The following RALGAPA2 variants were observed in gnomAD, a reference collection of about 807,000 sequenced individuals.
The protein encoded by RALGAPA2 is ral GTPase-activating protein subunit alpha-2.
RALGAPA2 carries 139 observed loss-of-function variants against 230.4 expected under a neutral mutation model. That is an observed-to-expected ratio of 0.60 (90% CI 0.53 to 0.69). RALGAPA2 has a LOEUF of 0.69. Among genes scored for constraint, RALGAPA2 ranks in the 30% least tolerant of loss-of-function variants. The pLI, the probability that RALGAPA2 is intolerant of heterozygous loss-of-function variation, is 0.00. For synonymous variants in RALGAPA2, 847 were observed against 837.8 expected, an observed-to-expected ratio of 1.01 and a Z score of -0.19; for missense variants, 2,163 against 2,276.0, an observed-to-expected ratio of 0.95 and a Z score of 1.01.
At chr20:20,511,104 G>A (rs182478071) in intron 33 of RALGAPA2, 150 bp downstream of exon 33, 7 of 1,293,008 alleles carry the variant, frequency 5.4e-6, no homozygotes, top group South Asian at 4.4e-5. Context: ...AAACACCAAC[G>A]GTATGGCATG....
At chr20:20,680,365 T>C (rs2068476082) in intron 2 of RALGAPA2, among the ~76,000 whole-genome samples, 6 of 152,274 alleles carry the variant, frequency 3.9e-5, no homozygotes, top group Admixed American at 3.3e-4. Flanking sequence ...TGAGTGTTCA[T>C]TTCAGACCCT....
At chr20:20,622,537 A>G (rs1013448637) in intron 10 of RALGAPA2, among the ~76,000 whole-genome samples, 1 of 152,238 alleles carries the variant, frequency 6.6e-6, no homozygotes. Flanking sequence ...AATGGAAGCC[A>G]AGAAACAATG....
chr20:20,508,070 C>T (rs778284374), intron 33 of RALGAPA2, among the ~76,000 whole-genome samples: 1 of 152,162 alleles, frequency 6.6e-6, no homozygotes, highest in Non-Finnish European at 1.5e-5. Context: ...AGTCCTTGAG[C>T]CCTCATTAAC....
chr20:20,546,753 C>T lies in RALGAPA2; in HGVS notation c.3236G>A (p.Gly1079Glu), dbSNP rs759686264. The change falls in exon 24 of 40, where the codon GGG (glycine) becomes GAG (glutamate). Residue 1079 changes from glycine to glutamate, a missense_variant. By Grantham distance (98) the Gly-to-Glu change is moderately conservative. Transcript: ENST00000202677. Reference sequence around the variant, plus strand: ...CCTGGCAGCGGCCGTGATGAAGTCCCCCACCAGCATTGAGAAGCCAGGAAA... The same window carrying T: ...CCTGGCAGCGGCCGTGATGAAGTCCTCCACCAGCATTGAGAAGCCAGGAAA... ...LGFPGFSMLV[G>E]DFITAAARVL... 1.2e-6 allele frequency: 2 copies of T among 1,612,080 alleles called. No homozygotes were observed. The highest frequency in any genetic ancestry group is 2.2e-5 in the South Asian group (2 of 90,828).
chr20:20,412,254 T>C, intron 37 of RALGAPA2, 106 bp from the exon 38 acceptor site: 2 of 1,429,156 alleles, frequency 1.4e-6, no homozygotes, highest in East Asian at 2.3e-5. Context: ...TGTAAAAAAG[T>C]ATCCTGCAGG....
intron 13 of RALGAPA2, among the ~76,000 whole-genome samples, chr20:20,614,256 C>CT (rs1408154025): frequency 6.6e-6 from 1 of 152,106 alleles, no homozygotes; most frequent in Non-Finnish European, 1.5e-5. Context: ...CTTTTCTATA[C>CT]TTTCACCTAG....
chr20:20,419,315 C>T (rs1433417229), intron 37 of RALGAPA2, among the ~76,000 whole-genome samples: 3 of 152,110 alleles, frequency 2.0e-5, no homozygotes, highest in Non-Finnish European at 4.4e-5. Context: ...AATGAAACAG[C>T]ACTAATCAAA....
At chr20:20,549,055 T>A (rs2063850536) in intron 23 of RALGAPA2, among the ~76,000 whole-genome samples, 1 of 152,194 alleles carries the variant, frequency 6.6e-6, no homozygotes, top group Non-Finnish European at 1.5e-5. Flanking sequence ...CCTTGAAGCT[T>A]GTGGGCTTTA....
intron 23 of RALGAPA2, among the ~76,000 whole-genome samples, chr20:20,555,604 G>C (rs2072016573): frequency 6.6e-6 from 1 of 152,150 alleles, no homozygotes; most frequent in Non-Finnish European, 1.5e-5. Context: ...AAGGTTTGCA[G>C]TTTTCAGTGC....
chr20:20,401,177 G>A (rs576576657), intron 38 of RALGAPA2, among the ~76,000 whole-genome samples: 3 of 152,344 alleles, frequency 2.0e-5, no homozygotes, highest in East Asian at 3.9e-4. Flanking sequence ...TGCACAGTAT[G>A]TGAATTAGAT....
In RALGAPA2 at chr20:20,637,459, C is replaced by T; in HGVS notation, c.709G>A (p.Gly237Ser). The T allele has an allele frequency of 1.9e-6, 3 of 1,571,674 alleles. No homozygotes were observed. Among genetic ancestry groups the T allele is most frequent in the Non-Finnish European group, 2.6e-6 (3 of 1,156,386 alleles). The change falls in exon 8 of 40, where the codon GGT becomes AGT. Residue 237 changes from glycine (G) to serine (S), a missense_variant. Physicochemically the swap from Gly to Ser is moderately conservative, Grantham distance 56 (BLOSUM62 0). Transcript: ENST00000202677. ...EWKNKENQDT[G>S]FKFLFTLFRK... The stretch of plus-strand genomic sequence containing the variant: ...AACAATGTAAAAAGAAATTTAAAAC[C>T]AGTATCTTGATTCTCCTTATTCTTC...
intron 39 of RALGAPA2, among the ~76,000 whole-genome samples, chr20:20,395,299 C>T (rs141726383): frequency 1.1e-4 from 17 of 152,380 alleles, no homozygotes; most frequent in African/African-American, 3.8e-4. Flanking sequence ...TGCCACAGCA[C>T]CCCGTGGTGG....
At chr20:20,659,797 G>GA (rs1366750278) in intron 3 of RALGAPA2, 72 of 870,954 alleles carry the variant, frequency 8.3e-5, no homozygotes, top group Non-Finnish European at 1.2e-4. Context: ...TGGAGAGAAG[G>GA]AAAAAACAGA....
chr20:20,528,150 G>A (rs1348118433), intron 27 of RALGAPA2, among the ~76,000 whole-genome samples: 1 of 152,200 alleles, frequency 6.6e-6, no homozygotes, highest in Non-Finnish European at 1.5e-5. Flanking sequence ...GTCGGATACA[G>A]GGGGCTGCAG....
chr20:20,554,326 CT>C (rs2064017258), intron 23 of RALGAPA2, among the ~76,000 whole-genome samples: 2 of 152,300 alleles, frequency 1.3e-5, no homozygotes, highest in Admixed American at 1.3e-4. Context: ...GCACATAATA[CT>C]TTATTCCTTC....
rs550201915 is a variant in RALGAPA2, at chr20:20,705,662, GTTGTT to G, written c.106+6708_106+6712del. ...TTGAAAGTCAAGTTTTGTTGTTGTT[GTTGTT>G]TTGTTTTGTTTTGTTTTGTTTTTGA... On this transcript the variant is annotated intron_variant, in intron 1 of 39. Transcript: ENST00000202677. Among the ~76,000 whole-genome samples the G allele has an allele frequency of 8.9e-4, 136 of 151,972 alleles. No homozygotes were observed. The Middle Eastern group carries it at 0.017, about 19-fold the overall frequency.
chr20:20,515,211 A>T (rs970594518), intron 31 of RALGAPA2, among the ~76,000 whole-genome samples: 2 of 152,328 alleles, frequency 1.3e-5, no homozygotes, highest in Admixed American at 1.3e-4. Flanking sequence ...TTTTACCCAT[A>T]AACACCATCT....
chr20:20,683,804 CA>C (rs1399990250), intron 1 of RALGAPA2, among the ~76,000 whole-genome samples: 3 of 152,172 alleles, frequency 2.0e-5, no homozygotes, highest in African/African-American at 7.2e-5. Flanking sequence ...ACCACATTTT[CA>C]AAAAAGATAC....
At chr20:20,536,508 G>T in intron 25 of RALGAPA2, 148 bp downstream of exon 25, 2 of 859,148 alleles carry the variant, frequency 2.3e-6, no homozygotes, top group Non-Finnish European at 3.4e-6. Flanking sequence ...CCCATGAATA[G>T]TCTTCTAGAA....
Sources: allele counts gnomAD v4.1 joint callset (sites outside exome capture counted in the v4.1 genomes callset), GRCh38; gene constraint gnomAD v4.1.1; transcripts MANE v1.5; gene names NCBI Gene and HGNC (gene_info 2026-07-23, HGNC 2026-07-21).